AGBL4: variants seen among roughly 807,000 people sequenced by gnomAD.
AGBL4 encodes the protein AGBL carboxypeptidase 4.
A neutral mutation model predicts 66.4 loss-of-function variants in AGBL4; 58 were observed. The observed-to-expected ratio is 0.87, with a 90% confidence interval of 0.71 to 1.09. The LOEUF (loss-of-function observed/expected upper bound fraction) is 1.09, where lower values mean the gene tolerates loss of function less well. Among genes scored for constraint, AGBL4 ranks in the 50% least tolerant of loss-of-function variants. AGBL4 has a pLI of 0.00. For missense variants in AGBL4, 579 were observed against 631.0 expected (o/e 0.92, Z 0.88); for synonymous variants, 234 against 222.9 (o/e 1.05, Z -0.44).
chr1:49,968,251 A>G (rs573694376), intron 1 of AGBL4, among the ~76,000 whole-genome samples: 1 of 152,240 alleles, frequency 6.6e-6, no homozygotes, highest in Admixed American at 6.5e-5. Flanking sequence ...TTTCCTTGAA[A>G]AAAATCTATC....
intron 1 of AGBL4, among the ~76,000 whole-genome samples, chr1:49,916,500 T>G (rs947356986): frequency 6.6e-6 from 1 of 152,148 alleles, no homozygotes; most frequent in Non-Finnish European, 1.5e-5. Context: ...GAAGATCAAA[T>G]GAATGAAATG....
chr1:49,256,399 A>C (rs1192655319), intron 3 of AGBL4, among the ~76,000 whole-genome samples: 1 of 152,204 alleles, frequency 6.6e-6, no homozygotes, highest in Non-Finnish European at 1.5e-5. Flanking sequence ...TACTAACAGT[A>C]AACAATTAGA....
At chr1:49,147,835 G>A (rs983039239) in intron 4 of AGBL4, among the ~76,000 whole-genome samples, 1 of 151,136 alleles carries the variant, frequency 6.6e-6, no homozygotes, top group Non-Finnish European at 1.5e-5. Flanking sequence ...GGAAGGAGAG[G>A]GGGGGTGACA....
At chr1:49,113,063 G>C (rs1645444897) in intron 4 of AGBL4, among the ~76,000 whole-genome samples, 1 of 150,666 alleles carries the variant, frequency 6.6e-6, no homozygotes, top group African/African-American at 2.4e-5. Flanking sequence ...CCATTCTCCT[G>C]TCTCAGCCTC....
At chr1:48,765,112 C>T (rs1644466522) in intron 6 of AGBL4, among the ~76,000 whole-genome samples, 1 of 152,218 alleles carries the variant, frequency 6.6e-6, no homozygotes, top group African/African-American at 2.4e-5. Context: ...CATTACACAT[C>T]TACACATCCT....
At chr1:49,759,576 T>C (rs77833571) in intron 2 of AGBL4, among the ~76,000 whole-genome samples, 8,069 of 152,302 alleles carry the variant, frequency 0.053, 241 homozygotes, top group African/African-American at 0.071. Context: ...GGTTCATTAT[T>C]TACAGCAAAT....
intron 4 of AGBL4, among the ~76,000 whole-genome samples, chr1:49,170,433 A>T (rs1466805625): frequency 7.1e-6 from 1 of 141,816 alleles, no homozygotes; most frequent in African/African-American, 2.6e-5. Context: ...TTTATATATA[A>T]ATAAATATAT....
At chr1:49,084,498 C>T (rs1375437229) in intron 4 of AGBL4, among the ~76,000 whole-genome samples, 1 of 152,078 alleles carries the variant, frequency 6.6e-6, no homozygotes, top group Admixed American at 6.5e-5. Context: ...AGGGGAGCTC[C>T]CATTTATAAA....
intron 10 of AGBL4, among the ~76,000 whole-genome samples, chr1:48,590,119 T>G (rs1181523271): frequency 6.6e-6 from 1 of 152,046 alleles, no homozygotes; most frequent in East Asian, 1.9e-4. Context: ...AATTAGCCAG[T>G]AGCGGCCAGG....
intron 6 of AGBL4, among the ~76,000 whole-genome samples, chr1:48,796,946 C>A (rs1459672355): frequency 1.3e-5 from 2 of 152,172 alleles, no homozygotes; most frequent in Non-Finnish European, 2.9e-5. Context: ...CCTACTCTGA[C>A]ACAGGAAAGC....
intron 5 of AGBL4, among the ~76,000 whole-genome samples, chr1:48,956,001 A>G (rs563311500): frequency 6.6e-6 from 1 of 152,314 alleles, no homozygotes; most frequent in African/African-American, 2.4e-5. Context: ...CCCTGGCTCT[A>G]ATTGGATCTG....
intron 2 of AGBL4, among the ~76,000 whole-genome samples, chr1:49,838,252 C>T (rs1420016544): frequency 6.6e-6 from 1 of 152,142 alleles, no homozygotes; most frequent in Non-Finnish European, 1.5e-5. Context: ...GATGATATCA[C>T]AAGAAAGGAG....
chr1:48,745,960 T>C (rs1650676691), intron 6 of AGBL4, among the ~76,000 whole-genome samples: 2 of 152,124 alleles, frequency 1.3e-5, no homozygotes, highest in African/African-American at 4.8e-5. Context: ...GGTGCCTTTT[T>C]ATGTCAGAAA....
chr1:49,302,219 T>A (rs1162316381), intron 3 of AGBL4, among the ~76,000 whole-genome samples: 1 of 152,072 alleles, frequency 6.6e-6, no homozygotes, highest in Non-Finnish European at 1.5e-5. Flanking sequence ...TTGAAATTAA[T>A]GAACAATTAT....
chr1:48,820,208 G>A (rs1320499284), intron 6 of AGBL4, among the ~76,000 whole-genome samples: 1 of 152,026 alleles, frequency 6.6e-6, no homozygotes, highest in African/African-American at 2.4e-5. Flanking sequence ...GTACTGTCTG[G>A]GCCCTGGGAC....
At chr1:48,909,086 C>T (rs1481241301) in intron 5 of AGBL4, among the ~76,000 whole-genome samples, 1 of 152,144 alleles carries the variant, frequency 6.6e-6, no homozygotes, top group East Asian at 1.9e-4. Flanking sequence ...TCCTTCCAGT[C>T]CCTTTACATT....
intron 4 of AGBL4, among the ~76,000 whole-genome samples, chr1:49,155,918 G>C (rs940415057): frequency 6.6e-6 from 1 of 152,124 alleles, no homozygotes; most frequent in Non-Finnish European, 1.5e-5. Flanking sequence ...TTCTTAAATT[G>C]TATCTAGACA....
At chr1:48,760,372 G>A (rs2148659898) in intron 6 of AGBL4, among the ~76,000 whole-genome samples, 1 of 152,324 alleles carries the variant, frequency 6.6e-6, no homozygotes, top group South Asian at 2.1e-4. Context: ...GCAGTTCTAA[G>A]TTTCAGGAAA....
intron 3 of AGBL4, among the ~76,000 whole-genome samples, chr1:49,567,917 C>T (rs1644246087): frequency 6.6e-6 from 1 of 152,108 alleles, no homozygotes; most frequent in African/African-American, 2.4e-5. Context: ...AATTCAACAC[C>T]ATCCATGTTT....
Sources: allele counts gnomAD v4.1 joint callset (sites outside exome capture counted in the v4.1 genomes callset), GRCh38; gene constraint gnomAD v4.1.1; transcripts MANE v1.5; gene names NCBI Gene and HGNC (gene_info 2026-07-23, HGNC 2026-07-21).